The following SEPTIN9 variants were observed in gnomAD, a reference collection of about 807,000 sequenced individuals.
SEPTIN9 encodes septin-9.
A neutral mutation model predicts 56.6 loss-of-function variants in SEPTIN9; 13 were observed. That is an observed-to-expected ratio of 0.23 (90% confidence interval 0.15 to 0.37). The LOEUF (loss-of-function observed/expected upper bound fraction) is 0.37. Among genes scored for constraint, SEPTIN9 ranks in the 10% least tolerant of loss-of-function variants. SEPTIN9 has a pLI of 1.00. For synonymous variants in SEPTIN9, 332 were observed against 334.1 expected (o/e 0.99, Z 0.07); for missense variants, 650 against 823.1 (o/e 0.79, Z 2.57).
intron 2 of SEPTIN9, among the ~76,000 whole-genome samples, chr17:77,348,120 C>G (rs958163763): frequency 3.3e-5 from 5 of 152,062 alleles, no homozygotes; most frequent in Non-Finnish European, 5.9e-5. Flanking sequence ...TTTATTCATT[C>G]TGACAGCCTC....
In SEPTIN9 at chr17:77,332,277, AAAAAC is replaced by A. The variant is rs1567998234; in HGVS notation, c.76+25096_76+25100del. Among the ~76,000 whole-genome samples, 49 of 139,200 alleles carry A rather than the reference AAAAAC, an allele frequency of 3.5e-4. 1 individual carries two copies. Among genetic ancestry groups the A allele is most frequent in the African/African-American group, 1.2e-3 (45 of 38,078 alleles). 91.3% of individuals were successfully genotyped at this position (139,200 alleles called of 152,430 possible). A position where few individuals can be genotyped will look rare whatever the true frequency, so the allele number is the denominator to read the frequency against. The stretch of plus-strand genomic sequence containing the variant: ...GGGCGACAGAACAAAACCCTGTCTC[AAAAAC>A]AAAACAAAACAAAACCACAAAAAAG... On this transcript the variant is annotated intron_variant, in intron 2 of 11. Coordinates refer to ENST00000427177, the MANE Select transcript of SEPTIN9 (RefSeq NM_001113491.2).
intron 1 of SEPTIN9, among the ~76,000 whole-genome samples, chr17:77,292,285 C>T (rs539761423): frequency 5.3e-5 from 8 of 152,304 alleles, no homozygotes; most frequent in African/African-American, 1.9e-4. Context: ...CCCCATCACC[C>T]CTCTACCTGT....
chr17:77,377,682 G>A (rs2034981410), intron 2 of SEPTIN9, among the ~76,000 whole-genome samples: 1 of 152,162 alleles, frequency 6.6e-6, no homozygotes, highest in Non-Finnish European at 1.5e-5. Flanking sequence ...CTTCTTGTCT[G>A]AGAGTCCCAA....
chr17:77,346,970 C>G (rs1253399050), intron 2 of SEPTIN9, among the ~76,000 whole-genome samples: 2 of 152,198 alleles, frequency 1.3e-5, no homozygotes, highest in African/African-American at 4.8e-5. Context: ...ACTGAGCACC[C>G]TGATTTTGGA....
chr17:77,353,562 C>A (rs968988796), intron 2 of SEPTIN9, among the ~76,000 whole-genome samples: 1 of 152,054 alleles, frequency 6.6e-6, no homozygotes, highest in Non-Finnish European at 1.5e-5. Flanking sequence ...CCTGCCAATA[C>A]CATCTTTGCT....
chr17:77,318,278 A>G lies in SEPTIN9; in HGVS notation c.76+11081A>G, dbSNP rs956596646. 6.6e-6 allele frequency among the ~76,000 whole-genome samples: 1 copy of G among 151,672 alleles called. No individual in the cohort carries two copies. The highest frequency in any genetic ancestry group is 1.5e-5 in the Non-Finnish European group (1 of 67,930). Reference sequence around the variant, plus strand: ...CCTTACCTTCAACACCAGCATCTACAGATCTCTCCGGGCCCCATCTCCACT... The same window carrying G: ...CCTTACCTTCAACACCAGCATCTACGGATCTCTCCGGGCCCCATCTCCACT... On this transcript the variant is annotated intron_variant, in intron 2 of 11. Coordinates refer to ENST00000427177, the MANE Select transcript of SEPTIN9 (RefSeq NM_001113491.2). The surrounding 1 kb of genome is among the most constrained non-coding windows in gnomAD (Gnocchi z 4.9).
At position 77,310,554 on chromosome 17, in the gene SEPTIN9, C is replaced by T. The variant is rs752232858; in HGVS notation, c.76+3357C>T. On this transcript the variant is annotated intron_variant, in intron 2 of 11. Coordinates refer to ENST00000427177, the MANE Select transcript of SEPTIN9 (RefSeq NM_001113491.2). The surrounding 1 kb of genome is among the most constrained non-coding windows in gnomAD (Gnocchi z 4.7). ...CACTGGTGACATCGCCGAAGGTCTT[C>T]TCTGTTACTAGTGCTGCCGGGAACG... Among the ~76,000 whole-genome samples the T allele has an allele frequency of 3.3e-5, 5 of 151,616 alleles. No homozygotes were observed. The highest frequency in any genetic ancestry group is 7.4e-5 in the Non-Finnish European group (5 of 67,988).
intron 2 of SEPTIN9, among the ~76,000 whole-genome samples, chr17:77,360,766 G>T (rs538345142): frequency 1.8e-4 from 28 of 151,922 alleles, no homozygotes; most frequent in South Asian, 1.7e-3. Context: ...GGGTTTCACC[G>T]TGTTAGCCAG....
chr17:77,338,903 T>C (rs2033641884), intron 2 of SEPTIN9, among the ~76,000 whole-genome samples: 1 of 152,246 alleles, frequency 6.6e-6, no homozygotes, highest in African/African-American at 2.4e-5. Flanking sequence ...CTAAATCTTT[T>C]GTTGTCATTT....
chr17:77,398,602 G>A (rs1342769851), intron 2 of SEPTIN9, among the ~76,000 whole-genome samples: 2 of 152,200 alleles, frequency 1.3e-5, no homozygotes, highest in Non-Finnish European at 2.9e-5. Flanking sequence ...GCCGGGACAT[G>A]GTTTCCTTGG....
At chr17:77,477,338 A>G (rs2039258672) in intron 3 of SEPTIN9, among the ~76,000 whole-genome samples, 1 of 152,074 alleles carries the variant, frequency 6.6e-6, no homozygotes, top group Non-Finnish European at 1.5e-5. Flanking sequence ...GGAAATCACC[A>G]ATCTGCGCTT....
rs1040127406 is a variant in SEPTIN9, at chr17:77,453,476, G to A, written c.722-28668G>A. 1.3e-5 allele frequency among the ~76,000 whole-genome samples: 2 copies of A among 152,100 alleles called. No individual in the cohort carries two copies. The highest frequency in any genetic ancestry group is 2.4e-5 in the African/African-American group (1 of 41,394). On this transcript the variant is annotated intron_variant, in intron 3 of 11. Transcript: ENST00000427177. This position sits in a 1 kb window ranked among gnomAD's most constrained non-coding sequence, Gnocchi z 4.4. The stretch of plus-strand genomic sequence containing the variant: ...CTGGCTAATCCGGGCATGGTGGCGC[G>A]TGCCTGTAATGGCAGCTACTCGGGA...
chr17:77,454,958 G>C (rs2038130940), intron 3 of SEPTIN9, among the ~76,000 whole-genome samples: 2 of 152,114 alleles, frequency 1.3e-5, no homozygotes, highest in African/African-American at 2.4e-5. Context: ...GGGGGTGGGG[G>C]GTCAGTGCAA....
At chr17:77,410,265 G>C (rs981209006) in intron 3 of SEPTIN9, among the ~76,000 whole-genome samples, 9 of 152,188 alleles carry the variant, frequency 5.9e-5, no homozygotes, top group African/African-American at 2.2e-4. Context: ...GGTGTACTCT[G>C]TGGAGCCCCA....
chr17:77,383,942 C>T (rs1443701900), intron 2 of SEPTIN9, among the ~76,000 whole-genome samples: 1 of 152,228 alleles, frequency 6.6e-6, no homozygotes, highest in African/African-American at 2.4e-5. Context: ...GGTAAGCACT[C>T]ATACACATTG....
chr17:77,282,065 G>A (rs1213713057), intron 1 of SEPTIN9, among the ~76,000 whole-genome samples: 1 of 152,172 alleles, frequency 6.6e-6, no homozygotes, highest in African/African-American at 2.4e-5. Context: ...TCGGGTTCAC[G>A]TTTTGCGCTC....
chr17:77,498,605 A>G lies in SEPTIN9; in HGVS notation c.1708A>G (p.Ser570Gly), dbSNP rs375131588. 13 of 1,609,542 alleles carry G rather than the reference A, an allele frequency of 8.1e-6. No individual in the cohort carries two copies. The African/African-American group carries it at 1.2e-4, about 15-fold the overall frequency. ...TGTGAAGCGCCTCAACGAGGGCAGC[A>G]GCGCCATGGCCAACGGCATGGAGGA... ...YRVKRLNEGS[S>G]AMANGMEEKE... The change falls in exon 12 of 12, where the codon AGC becomes GGC. Residue 570 changes from serine (S) to glycine (G), a missense_variant. Coordinates refer to ENST00000427177, the MANE Select transcript of SEPTIN9 (RefSeq NM_001113491.2).
At chr17:77,408,452 C>G (rs533169299) in intron 3 of SEPTIN9, among the ~76,000 whole-genome samples, 1 of 152,158 alleles carries the variant, frequency 6.6e-6, no homozygotes, top group Non-Finnish European at 1.5e-5. Flanking sequence ...TCAGGCCCCC[C>G]CGAGCTGATG....
chr17:77,364,820 G>A (rs903001947), intron 2 of SEPTIN9, among the ~76,000 whole-genome samples: 1 of 152,244 alleles, frequency 6.6e-6, no homozygotes, highest in Non-Finnish European at 1.5e-5. Flanking sequence ...GGGGAGCAGA[G>A]CCCAGCTGTG....
Sources: gnomAD v4.1 joint callset for allele counts (sites outside exome capture counted in the v4.1 genomes callset) on GRCh38, gnomAD v4.1.1 for gene constraint, Gnocchi (gnomAD v3.1) non-coding constraint, MANE v1.5 for transcripts, NCBI Gene and HGNC (gene_info 2026-07-23, HGNC 2026-07-21) for gene names.